The following TENM1 variants were observed in gnomAD, a reference collection of about 807,000 sequenced individuals.
The protein encoded by TENM1 is teneurin transmembrane protein 1, also known as teneurin-1.
A neutral mutation model predicts 174.8 loss-of-function variants in TENM1; 35 were observed. That is an observed-to-expected ratio of 0.20 (90% confidence interval 0.15 to 0.27). The LOEUF (loss-of-function observed/expected upper bound fraction) is 0.27. TENM1 is among the 10% of genes least tolerant of loss of function. TENM1 has a pLI of 1.00. For synonymous variants in TENM1, 781 were observed against 798.7 expected, an observed-to-expected ratio of 0.98 and a Z score of 0.37; for missense variants, 1,633 against 2,130.1, an observed-to-expected ratio of 0.77 and a Z score of 4.59.
the TENM1 span, among the ~76,000 whole-genome samples, chrX:125,002,955 C>T: frequency 8.9e-6 from 1 of 111,768 alleles, no homozygotes; most frequent in South Asian, 3.7e-4. Context: ...TTTTTGCAGT[C>T]CTTAATTGCT....
intron 4 of TENM1, among the ~76,000 whole-genome samples, chrX:124,705,830 A>T (rs1258976962): frequency 9.0e-6 from 1 of 111,215 alleles, no homozygotes; most frequent in Non-Finnish European, 1.9e-5. Context: ...ATACTTATTC[A>T]TTTCTCCATT....
At chrX:124,728,996 T>C (rs185996733) in intron 4 of TENM1, among the ~76,000 whole-genome samples, 1 of 112,546 alleles carries the variant, frequency 8.9e-6, no homozygotes, top group Non-Finnish European at 1.9e-5. Flanking sequence ...TAATGCTGTT[T>C]AGCATAGTTA....
chrX:125,195,072 G>A, the TENM1 span, among the ~76,000 whole-genome samples: 1 of 111,587 alleles, frequency 9.0e-6, no homozygotes, highest in Non-Finnish European at 1.9e-5. Context: ...TGATAAATTA[G>A]CAAATGAATG....
intron 18 of TENM1, among the ~76,000 whole-genome samples, chrX:124,515,651 C>G (rs1284763612): frequency 3.6e-5 from 4 of 110,553 alleles, no homozygotes. Flanking sequence ...GGTGAAAAAT[C>G]TCTCAAAGAG....
chrX:124,862,066 A>G (rs1354359065), intron 3 of TENM1, among the ~76,000 whole-genome samples: 8 of 112,338 alleles, frequency 7.1e-5, no homozygotes, highest in Non-Finnish European at 5.6e-5. Flanking sequence ...ACCAGAAAAT[A>G]GGTTTCACTG....
At chrX:124,396,964 CTGTT>C (rs60986072) in intron 27 of TENM1, among the ~76,000 whole-genome samples, 4,019 of 111,355 alleles carry the variant, frequency 0.036, 169 homozygotes, top group African/African-American at 0.12. Flanking sequence ...GGTAAGAAAA[CTGTT>C]TGGTAATAGG....
At chrX:125,009,000 A>T in the TENM1 span, among the ~76,000 whole-genome samples, 1 of 110,258 alleles carries the variant, frequency 9.1e-6, no homozygotes, top group South Asian at 3.9e-4. Flanking sequence ...AACAGATCCA[A>T]AAGCTAGTAG....
At chrX:124,784,882 T>C (rs909964957) in intron 3 of TENM1, among the ~76,000 whole-genome samples, 1 of 111,282 alleles carries the variant, frequency 9.0e-6, no homozygotes, top group Non-Finnish European at 1.9e-5. Flanking sequence ...TTAGGCCTTA[T>C]AGTGATTTCT....
chrX:124,672,856 G>A (rs748238319), intron 5 of TENM1, among the ~76,000 whole-genome samples: 21 of 111,981 alleles, frequency 1.9e-4, no homozygotes, highest in African/African-American at 6.5e-4. Flanking sequence ...TGAAGTGTGT[G>A]TGTTTGTGTA....
intron 6 of TENM1, among the ~76,000 whole-genome samples, chrX:124,656,886 G>A (rs1027394386): frequency 1.1e-4 from 12 of 110,705 alleles, no homozygotes; most frequent in African/African-American, 3.9e-4. Context: ...GGCCAAGGCG[G>A]GTGGATAACC....
intron 25 of TENM1, among the ~76,000 whole-genome samples, chrX:124,408,536 G>T (rs945871523): frequency 9.0e-6 from 1 of 111,394 alleles, no homozygotes; most frequent in Non-Finnish European, 1.9e-5. Flanking sequence ...CTTATCAGGG[G>T]AACTGTGGCC....
At chrX:125,040,473 A>T in the TENM1 span, among the ~76,000 whole-genome samples, 1 of 111,378 alleles carries the variant, frequency 9.0e-6, no homozygotes, top group Admixed American at 9.6e-5. Context: ...TCATTATATG[A>T]TATTTATTTT....
chrX:124,878,348 G>C (rs2057244616), intron 3 of TENM1, among the ~76,000 whole-genome samples: 1 of 111,065 alleles, frequency 9.0e-6, no homozygotes, highest in African/African-American at 3.3e-5. Context: ...TGGGGATCCA[G>C]AGTCAAACTG....
chrX:124,971,695 T>C, the TENM1 span, among the ~76,000 whole-genome samples: 1 of 112,072 alleles, frequency 8.9e-6, no homozygotes, highest in Non-Finnish European at 1.9e-5. Context: ...GGGATTGTAA[T>C]GATTTACACT....
At chrX:124,523,116 T>C (rs762873768) in intron 17 of TENM1, among the ~76,000 whole-genome samples, 2 of 112,354 alleles carry the variant, frequency 1.8e-5, no homozygotes, top group African/African-American at 3.2e-5. Context: ...AGGTCAAAGA[T>C]TGGAGTTTAA....
intron 17 of TENM1, among the ~76,000 whole-genome samples, chrX:124,522,631 T>C (rs779156376): frequency 2.7e-5 from 3 of 109,336 alleles, no homozygotes; most frequent in Admixed American, 9.8e-5. Flanking sequence ...GAACTTGTCA[T>C]GTCTTCTAAG....
chrX:125,044,537 C>T, the TENM1 span, among the ~76,000 whole-genome samples: 4 of 110,956 alleles, frequency 3.6e-5, no homozygotes, highest in South Asian at 7.5e-4. Flanking sequence ...CTGCAATGAG[C>T]TACGATCACA....
chrX:125,058,943 G>A, the TENM1 span, among the ~76,000 whole-genome samples: 1 of 109,110 alleles, frequency 9.2e-6, no homozygotes, highest in Non-Finnish European at 1.9e-5. Flanking sequence ...TTACATAGTC[G>A]TGCAACCATC....
At chrX:124,544,580 C>A (rs1327556309) in intron 15 of TENM1, among the ~76,000 whole-genome samples, 1 of 112,336 alleles carries the variant, frequency 8.9e-6, no homozygotes, top group Admixed American at 9.4e-5. Flanking sequence ...AATTCATTAG[C>A]ACTGATTTGA....
Sources: gnomAD v4.1 joint callset for allele counts (sites outside exome capture counted in the v4.1 genomes callset) on GRCh38, gnomAD v4.1.1 for gene constraint, MANE v1.5 for transcripts, NCBI Gene and HGNC (gene_info 2026-07-23, HGNC 2026-07-21) for gene names.